PCDHGA6: variants seen among roughly 807,000 people sequenced by gnomAD.
PCDHGA6 encodes protocadherin gamma subfamily A, 6.
In PCDHGA6, 41 loss-of-function variants were observed where a neutral mutation model predicts 60.6. The observed-to-expected ratio is 0.68, with a 90% confidence interval of 0.53 to 0.88. The LOEUF is 0.88. Ranked by LOEUF, PCDHGA6 falls within the 40% of genes least tolerant of loss-of-function variation. The probability of loss-of-function intolerance (pLI) is 0.00; values close to 1 mark genes in which losing one functional copy is unlikely to be tolerated. For missense variants in PCDHGA6, 1,312 were observed against 1,203.0 expected, an observed-to-expected ratio of 1.09 and a Z score of -1.34; for synonymous variants, 594 against 524.4, an observed-to-expected ratio of 1.13 and a Z score of -1.81.
At chr5:141,376,974 A>T (rs1055212132) in intron 1 of PCDHGA6, 1 of 158,030 alleles carries the variant, frequency 6.3e-6, no homozygotes, top group Non-Finnish European at 1.4e-5. Context: ...GGCGTGAGCC[A>T]CCGCGCCCGG....
intron 1 of PCDHGA6, chr5:141,427,312 C>T (rs1438759401): frequency 4.4e-6 from 2 of 456,954 alleles, no homozygotes; most frequent in East Asian, 6.9e-5. Context: ...GACAATGCCC[C>T]AGACGTGGTT....
At chr5:141,422,144 G>T in intron 1 of PCDHGA6, 1 of 1,583,520 alleles carries the variant, frequency 6.3e-7, no homozygotes, top group Non-Finnish European at 8.5e-7. Context: ...CAAGTACGGG[G>T]GTCTCTGGAT....
chr5:141,482,890 G>C (rs577635020), intron 1 of PCDHGA6, among the ~76,000 whole-genome samples: 10 of 152,274 alleles, frequency 6.6e-5, no homozygotes, highest in African/African-American at 2.4e-4. Flanking sequence ...TGGCCAACAT[G>C]GTGAAACCTC....
chr5:141,416,233 C>T (rs1313671195), intron 1 of PCDHGA6: 1 of 152,210 alleles, frequency 6.6e-6, no homozygotes, highest in Non-Finnish European at 1.5e-5. Flanking sequence ...ATTTTTCCAG[C>T]CCTATTTATA....
At chr5:141,418,594 C>A in intron 1 of PCDHGA6, 4 of 1,614,022 alleles carry the variant, frequency 2.5e-6, no homozygotes, top group Non-Finnish European at 3.4e-6. Context: ...TCAGCCAGGA[C>A]GTGTACAGGG....
At chr5:141,421,965 C>A in intron 1 of PCDHGA6, 1 of 1,610,360 alleles carries the variant, frequency 6.2e-7, no homozygotes, top group Non-Finnish European at 8.5e-7. Context: ...TTACACAGTC[C>A]GTATATCGCG....
chr5:141,400,076 T>C, intron 1 of PCDHGA6: 2 of 1,613,932 alleles, frequency 1.2e-6, no homozygotes, highest in Non-Finnish European at 1.7e-6. Context: ...CAGCCGCCAC[T>C]CTCCGCCACC....
Position 141,386,264 on chromosome 5 carries a change from A to T in PCDHGA6, c.2424+9757A>T, listed in dbSNP as rs115810695. Among the ~76,000 whole-genome samples the T allele has an allele frequency of 6.0e-3, 910 of 152,346 alleles. 6 individuals are homozygous for T. Among genetic ancestry groups the T allele is most frequent in the African/African-American group, 0.02 (846 of 41,566 alleles). On this transcript the variant is annotated intron_variant, in intron 1 of 3. Coordinates refer to ENST00000517434, the MANE Select transcript of PCDHGA6 (RefSeq NM_018919.3). ...TTGGAAATAACCCAATCTGGGATTA[A>T]CTACTTCCATATTCTTTTGTATAAC...
intron 2 of PCDHGA6, among the ~76,000 whole-genome samples, chr5:141,499,256 A>G (rs371266271): frequency 6.6e-6 from 1 of 151,968 alleles, no homozygotes; most frequent in Non-Finnish European, 1.5e-5. Context: ...AAGAGTCTCC[A>G]TTTGGTCCCT....
At chr5:141,388,956 G>C (rs1010974359) in intron 1 of PCDHGA6, 1 of 1,613,846 alleles carries the variant, frequency 6.2e-7, no homozygotes, top group Non-Finnish European at 8.5e-7. Context: ...TATGGAGGAC[G>C]CCGAGCTGGG....
At chr5:141,378,751 G>T (rs72790019) in intron 1 of PCDHGA6, 22 of 152,014 alleles carry the variant, frequency 1.4e-4, no homozygotes, top group Non-Finnish European at 5.9e-5. Flanking sequence ...AAGAAAAAAG[G>T]GATTATCATT....
intron 1 of PCDHGA6, among the ~76,000 whole-genome samples, chr5:141,433,397 A>ATCTATCTG (rs1554126017): frequency 5.3e-5 from 8 of 150,410 alleles, no homozygotes; most frequent in Non-Finnish European, 1.2e-4. Context: ...CTATCTATCT[A>ATCTATCTG]TCTATCTATT....
chr5:141,454,575 T>G (rs1430018751), intron 1 of PCDHGA6, among the ~76,000 whole-genome samples: 1 of 151,400 alleles, frequency 6.6e-6, no homozygotes, highest in African/African-American at 2.4e-5. Context: ...CCCGGCTAAT[T>G]TTGTATTTTT....
chr5:141,434,747 C>T (rs2097714000), intron 1 of PCDHGA6, among the ~76,000 whole-genome samples: 1 of 151,606 alleles, frequency 6.6e-6, no homozygotes, highest in South Asian at 2.1e-4. Flanking sequence ...GCTATGAGAC[C>T]CCTGATTCCC....
intron 1 of PCDHGA6, among the ~76,000 whole-genome samples, chr5:141,492,409 C>G (rs1367119266): frequency 6.6e-6 from 1 of 152,230 alleles, no homozygotes; most frequent in Non-Finnish European, 1.5e-5. Flanking sequence ...TCCCCTCTGC[C>G]GCTCCCTCCG....
At chr5:141,418,278 T>C (rs2096243624) in intron 1 of PCDHGA6, 1 of 1,613,954 alleles carries the variant, frequency 6.2e-7, no homozygotes, top group East Asian at 2.2e-5. Context: ...GAAATAAACT[T>C]AGAAATCAGT....
At chr5:141,510,062 G>GA (rs1448334820) in intron 3 of PCDHGA6, among the ~76,000 whole-genome samples, 1 of 152,150 alleles carries the variant, frequency 6.6e-6, no homozygotes. Flanking sequence ...TTGTGCATGT[G>GA]AAGCATCCAG....
Position 141,374,686 on chromosome 5 carries a change from C to T in PCDHGA6, c.603C>T (p.Asp201=), listed in dbSNP as rs765389244. Residue 201 remains aspartate (D), a synonymous_variant, in exon 1 of 4, where the codon GAC becomes GAT. Coordinates refer to ENST00000517434, the MANE Select transcript of PCDHGA6 (RefSeq NM_018919.3). The part of the protein sequence containing the change: ...YPELVLEGTL[D]REGEAVYRLV... ...AGCTGGTGCTGGAGGGCACACTGGA[C>T]CGGGAAGGAGAAGCCGTTTACCGCC... 3.1e-6 allele frequency: 5 copies of T among 1,609,642 alleles called. No individual in the cohort carries two copies. Among genetic ancestry groups the T allele is most frequent in the Non-Finnish European group, 4.2e-6 (5 of 1,177,856 alleles).
At chr5:141,505,983 C>G (rs1235662535) in intron 3 of PCDHGA6, among the ~76,000 whole-genome samples, 1 of 152,148 alleles carries the variant, frequency 6.6e-6, no homozygotes, top group Non-Finnish European at 1.5e-5. Context: ...GAGAGAACAC[C>G]TCCTCTTTAT....
Sources: allele counts gnomAD v4.1 joint callset (sites outside exome capture counted in the v4.1 genomes callset), GRCh38; gene constraint gnomAD v4.1.1; transcripts MANE v1.5; gene names NCBI Gene and HGNC (gene_info 2026-07-23, HGNC 2026-07-21).